The following KCNMA1 variants were observed in gnomAD, a reference collection of about 807,000 sequenced individuals.
The protein encoded by KCNMA1 is Calcium-activated potassium channel subunit alpha-1.
KCNMA1 carries 29 observed loss-of-function variants against 140.0 expected under a neutral mutation model. The ratio of observed to expected loss-of-function variants is 0.21; its 90% CI spans 0.15 to 0.28. KCNMA1 has a LOEUF of 0.28. KCNMA1 is among the 10% of genes least tolerant of loss of function. The pLI is 1.00. For missense variants in KCNMA1, 880 were observed against 1,602.2 expected (o/e 0.55, Z 7.70); for synonymous variants, 612 against 611.9 (o/e 1.00, Z 0.00).
At chr10:76,876,947 T>C (rs1180043959), downstream of KCNMA1, 8 of 152,536 alleles carry the variant, frequency 5.2e-5, no homozygotes, top group Non-Finnish European at 1.2e-4. Flanking sequence ...CAATGCCTTG[T>C]GTGCATCTGG....
At chr10:76,954,356 A>T (rs1369551223) in intron 20 of KCNMA1, among the ~76,000 whole-genome samples, 2 of 152,208 alleles carry the variant, frequency 1.3e-5, no homozygotes, top group Non-Finnish European at 2.9e-5. Flanking sequence ...AGAGGAAGGA[A>T]TAGGAATAGA....
intron 1 of KCNMA1, among the ~76,000 whole-genome samples, chr10:77,440,993 T>C (rs571096277): frequency 1.4e-5 from 2 of 144,316 alleles, no homozygotes; most frequent in South Asian, 4.3e-4. Context: ...TAATTTTTTC[T>C]GTTTTTTTTT....
At chr10:77,547,613 G>T (rs1197882417) in intron 1 of KCNMA1, among the ~76,000 whole-genome samples, 3 of 152,218 alleles carry the variant, frequency 2.0e-5, no homozygotes, top group Non-Finnish European at 4.4e-5. Context: ...TAAGGCATCT[G>T]CATGAAAGGC....
rs1595346814 is a variant in KCNMA1, at chr10:77,073,271, G to A, written c.1594-19C>T. The A allele has an allele frequency of 1.9e-6, 3 of 1,613,396 alleles. No homozygotes were observed. The highest frequency in any genetic ancestry group is 2.5e-6 in the Non-Finnish European group (3 of 1,179,338). ...GATGGGCCTGGGGAAAGAAAAGCAG[G>A]TATGAGACCTTGCTCTGTTAAATGT... is the stretch of plus-strand genomic sequence containing the variant. On this transcript the variant is annotated intron_variant, in intron 13 of 27. Transcript: ENST00000286628.
At chr10:77,151,171 T>G (rs938648275) in intron 5 of KCNMA1, among the ~76,000 whole-genome samples, 13 of 145,898 alleles carry the variant, frequency 8.9e-5, no homozygotes, top group Non-Finnish European at 1.5e-4. Context: ...TTTTCTTTCT[T>G]TCTTTCCTTT....
chr10:77,529,658 G>A (rs142355325), intron 1 of KCNMA1, among the ~76,000 whole-genome samples: 2,912 of 152,200 alleles, frequency 0.019, 33 homozygotes, highest in Middle Eastern at 0.075. Flanking sequence ...AGAAAAATTA[G>A]TTATGAAGAA....
intron 23 of KCNMA1, among the ~76,000 whole-genome samples, chr10:76,923,499 T>C (rs1564933535): frequency 1.3e-5 from 2 of 149,430 alleles, no homozygotes; most frequent in African/African-American, 4.9e-5. Context: ...CTCAGAAGGG[T>C]TGGTTAAGGG....
intron 1 of KCNMA1, among the ~76,000 whole-genome samples, chr10:77,614,141 T>A (rs866051606): frequency 6.6e-6 from 1 of 151,994 alleles, no homozygotes; most frequent in Non-Finnish European, 1.5e-5. Flanking sequence ...CCAGAAAAAA[T>A]TAAATACCCT....
chr10:77,075,160 G>A (rs1365153609), intron 13 of KCNMA1, among the ~76,000 whole-genome samples: 3 of 152,192 alleles, frequency 2.0e-5, no homozygotes, highest in Non-Finnish European at 1.5e-5. Context: ...GCCACAGCAA[G>A]TGGTAATTGC....
chr10:77,545,795 A>T (rs2154555939), intron 1 of KCNMA1, among the ~76,000 whole-genome samples: 1 of 152,332 alleles, frequency 6.6e-6, no homozygotes, highest in South Asian at 2.1e-4. Flanking sequence ...CCTGGAAAAC[A>T]TGGCCTCACG....
At chr10:77,484,444 A>C (rs989684023) in intron 1 of KCNMA1, among the ~76,000 whole-genome samples, 4 of 152,174 alleles carry the variant, frequency 2.6e-5, no homozygotes, top group Admixed American at 2.0e-4. Flanking sequence ...ATATGCAGTA[A>C]CTCCTTGTGC....
In KCNMA1 at chr10:76,886,995, C is replaced by A. The variant is rs922674076; in HGVS notation, c.*271G>T. The A allele has an allele frequency of 1.6e-5, 20 of 1,287,514 alleles. No homozygotes were observed. Among genetic ancestry groups the A allele is most frequent in the Non-Finnish European group, 1.9e-5 (19 of 1,006,414 alleles). The allele number at this position is 1,287,514 out of a possible 1,614,324, so 79.8% of individuals were successfully genotyped here. The stretch of plus-strand genomic sequence containing the variant: ...TCTGTGAACTCGTTCCTGCAGTGAG[C>A]TATTTATGTCTGGAGCATGCCTTTG... On this transcript the variant is annotated 3_prime_UTR_variant, in exon 28 of 28. Transcript: ENST00000286628.
At chr10:77,288,328 C>T (rs1455383320) in intron 2 of KCNMA1, among the ~76,000 whole-genome samples, 1 of 152,354 alleles carries the variant, frequency 6.6e-6, no homozygotes. Flanking sequence ...CAGGGACACT[C>T]CTAGTTCTGG....
At chr10:77,353,281 C>G (rs1194674154) in intron 2 of KCNMA1, among the ~76,000 whole-genome samples, 1 of 152,060 alleles carries the variant, frequency 6.6e-6, no homozygotes, top group African/African-American at 2.4e-5. Context: ...CAACCCTTCC[C>G]TGAGAGCCAC....
chr10:76,895,140 G>T (rs754756391), intron 25 of KCNMA1, among the ~76,000 whole-genome samples: 1 of 152,068 alleles, frequency 6.6e-6, no homozygotes, highest in Non-Finnish European at 1.5e-5. Context: ...GGTGCATGCC[G>T]CCCCTAGTCA....
chr10:76,883,788 T>G (rs768705614), downstream of KCNMA1, among the ~76,000 whole-genome samples: 1 of 150,880 alleles, frequency 6.6e-6, no homozygotes, highest in East Asian at 1.9e-4. Flanking sequence ...GAAACTTGTA[T>G]GCCTACTTCC....
intron 1 of KCNMA1, among the ~76,000 whole-genome samples, chr10:77,482,661 C>T (rs1216359779): frequency 6.6e-6 from 1 of 152,118 alleles, no homozygotes; most frequent in Non-Finnish European, 1.5e-5. Context: ...TTCACTGTCT[C>T]CCTGCAGAAG....
intron 2 of KCNMA1, among the ~76,000 whole-genome samples, chr10:77,372,472 A>G (rs895368983): frequency 6.6e-6 from 1 of 152,108 alleles, no homozygotes; most frequent in Non-Finnish European, 1.5e-5. Flanking sequence ...TGGAAATCCC[A>G]GTTCAGTGTT....
chr10:76,971,950 G>A (rs1472326132), intron 19 of KCNMA1, among the ~76,000 whole-genome samples: 2 of 151,250 alleles, frequency 1.3e-5, no homozygotes, highest in Non-Finnish European at 2.9e-5. Context: ...CAATAATGGG[G>A]TAGAAAGGCA....
Sources: gnomAD v4.1 joint callset for allele counts (sites outside exome capture counted in the v4.1 genomes callset) on GRCh38, gnomAD v4.1.1 for gene constraint, MANE v1.5 for transcripts, NCBI Gene and HGNC (gene_info 2026-07-23, HGNC 2026-07-21) for gene names.